Variants in MRPL22 observed in about 807,000 individuals in gnomAD.
MRPL22 encodes the protein mitochondrial ribosomal protein L22.
A neutral mutation model predicts 32.4 loss-of-function variants in MRPL22; 27 were observed. The ratio of observed to expected loss-of-function variants is 0.83; its 90% confidence interval spans 0.61 to 1.15. The LOEUF is 1.15. Ranked by LOEUF, MRPL22 falls within the 50% of genes most tolerant of loss-of-function variation. The probability of loss-of-function intolerance (pLI) is 0.00; values close to 1 mark genes in which losing one functional copy is unlikely to be tolerated. For missense variants in MRPL22, 239 were observed against 260.2 expected, an observed-to-expected ratio of 0.92 and a Z score of 0.56; for synonymous variants, 86 against 87.3, an observed-to-expected ratio of 0.99 and a Z score of 0.08.
intron 2 of MRPL22, among the ~76,000 whole-genome samples, chr5:154,948,709 C>G (rs1228355333): frequency 6.6e-6 from 1 of 152,204 alleles, no homozygotes; most frequent in Non-Finnish European, 1.5e-5. Context: ...GCTATTCCTT[C>G]ATTACTAACT....
At chr5:154,954,486 A>G (rs1246867779) in intron 3 of MRPL22, among the ~76,000 whole-genome samples, 1 of 152,214 alleles carries the variant, frequency 6.6e-6, no homozygotes, top group Non-Finnish European at 1.5e-5. Flanking sequence ...GCAGAGATAT[A>G]TAACTAGGTC....
intron 5 of MRPL22, 48 bp from the exon 6 acceptor site, chr5:154,959,932 T>G: frequency 7.4e-7 from 1 of 1,357,636 alleles, no homozygotes; most frequent in Admixed American, 1.9e-5. Context: ...TTAATTCCAT[T>G]TTACTTCAGG....
intron 2 of MRPL22, among the ~76,000 whole-genome samples, chr5:154,941,526 G>A (rs997272334): frequency 2.0e-5 from 3 of 152,136 alleles, no homozygotes; most frequent in Non-Finnish European, 4.4e-5. Context: ...TCTGGACAAG[G>A]TTAGACTATT....
At chr5:154,963,821 C>T (rs1450127713) in intron 6 of MRPL22, among the ~76,000 whole-genome samples, 2 of 152,034 alleles carry the variant, frequency 1.3e-5, no homozygotes, top group Non-Finnish European at 2.9e-5. Context: ...TTAGAATAGT[C>T]GTGGAGACTT....
intron 5 of MRPL22, 132 bp downstream of exon 5, chr5:154,957,344 A>T (rs553692419): frequency 5.9e-6 from 4 of 676,726 alleles, no homozygotes; most frequent in African/African-American, 5.4e-5. Flanking sequence ...TTTATATAAT[A>T]CAGATTTAGG....
chr5:154,956,060 G>A, intron 3 of MRPL22: 1 of 257,416 alleles, frequency 3.9e-6, no homozygotes, highest in Non-Finnish European at 7.3e-6. Context: ...TCAGCTAAAT[G>A]TTTTAAAGAT....
intron 6 of MRPL22, among the ~76,000 whole-genome samples, chr5:154,960,289 T>C (rs189464643): frequency 7.9e-5 from 12 of 152,232 alleles, no homozygotes; most frequent in African/African-American, 2.7e-4. Context: ...TTGCTAATAA[T>C]TATTAAATAA....
In MRPL22 at chr5:154,956,849, C is replaced by T. The variant is rs1582692623; in HGVS notation, c.262-286C>T. On this transcript the variant is annotated intron_variant, in intron 4 of 6. Transcript: ENST00000523037. ...TTTATCCTATAGGAGAAGGAGATGC[C>T]TTGAATGCCTAGTGTGGTTGTTACC... 1.1e-5 allele frequency: 4 copies of T among 377,234 alleles called. No homozygotes were observed. In the East Asian group the frequency reaches 1.9e-4, roughly 18 times the overall value. 23.4% of individuals were successfully genotyped at this position (377,234 alleles called of 1,614,324 possible). A position where few individuals can be genotyped will look rare whatever the true frequency, so the allele number is the denominator to read the frequency against.
chr5:154,942,409 T>C (rs1764429851), intron 2 of MRPL22, among the ~76,000 whole-genome samples: 1 of 152,230 alleles, frequency 6.6e-6, no homozygotes, highest in African/African-American at 2.4e-5. Context: ...TTCTAAGTTT[T>C]TGGGTCCGAG....
At chr5:154,959,904 TAATG>T in intron 5 of MRPL22, 72 bp from the exon 6 acceptor site, 1 of 969,340 alleles carries the variant, frequency 1.0e-6, no homozygotes, top group Admixed American at 2.0e-5. Flanking sequence ...AGTACAGAGA[TAATG>T]AGAGATGAGA....
chr5:154,963,386 T>C (rs1764728373), intron 6 of MRPL22, among the ~76,000 whole-genome samples: 1 of 152,220 alleles, frequency 6.6e-6, no homozygotes, highest in Admixed American at 6.5e-5. Flanking sequence ...CTATCCACAT[T>C]AAATAGGTGA....
At chr5:154,941,845 G>A (rs902696663) in intron 2 of MRPL22, among the ~76,000 whole-genome samples, 1 of 152,106 alleles carries the variant, frequency 6.6e-6, no homozygotes, top group Non-Finnish European at 1.5e-5. Context: ...TAAAGGTTAG[G>A]GTAAGTAGTC....
At chr5:154,952,189 G>C (rs559125244) in intron 3 of MRPL22, among the ~76,000 whole-genome samples, 1 of 152,084 alleles carries the variant, frequency 6.6e-6, no homozygotes, top group African/African-American at 2.4e-5. Flanking sequence ...CCTGAAATCA[G>C]GTATTAATTG....
chr5:154,956,812 A>G, intron 4 of MRPL22: 1 of 336,452 alleles, frequency 3.0e-6, no homozygotes, highest in South Asian at 5.3e-5. Context: ...CAGCAAATAT[A>G]CATGTAATAC....
chr5:154,941,277 G>A lies in MRPL22; in HGVS notation c.77+12G>A. 3 of 1,612,704 alleles carry A rather than the reference G, an allele frequency of 1.9e-6. No individual in the cohort carries two copies. Among genetic ancestry groups the A allele is most frequent in the Non-Finnish European group, 2.5e-6 (3 of 1,179,998 alleles). On this transcript the variant is annotated intron_variant, in intron 2 of 6. Coordinates refer to ENST00000523037, the MANE Select transcript of MRPL22 (RefSeq NM_014180.4). The stretch of plus-strand genomic sequence containing the variant: ...AAGCTGGCCTTGGGGTGAGTCTCTC[G>A]CTTCGGAGTTTCGGAAGGGCCCAAG...
intron 3 of MRPL22, among the ~76,000 whole-genome samples, chr5:154,953,836 G>A (rs1764598021): frequency 6.6e-6 from 1 of 151,692 alleles, no homozygotes; most frequent in Admixed American, 6.6e-5. Context: ...ACAGGTGTGT[G>A]CCACCACGCC....
At position 154,941,504 on chromosome 5, in the gene MRPL22, T is replaced by C. The variant is rs377206074; in HGVS notation, c.77+239T>C. On this transcript the variant is annotated intron_variant, in intron 2 of 6. Transcript: ENST00000523037. The stretch of plus-strand genomic sequence containing the variant: ...ATTGTAAATGCGATTTCCGAACGTC[T>C]ACTGTGATCTTTCTGGACAAGGTTA... Among the ~76,000 whole-genome samples, 25 of 152,338 alleles carry C rather than the reference T, an allele frequency of 1.6e-4. No individual in the cohort carries two copies. In the East Asian group the frequency reaches 4.4e-3, roughly 27 times the overall value.
chr5:154,965,342 A>G (rs1324000427), intron 6 of MRPL22, among the ~76,000 whole-genome samples: 1 of 152,222 alleles, frequency 6.6e-6, no homozygotes, highest in East Asian at 1.9e-4. Context: ...TAGCTGACTA[A>G]ATACATTCAG....
chr5:154,963,062 C>T (rs1344107893), intron 6 of MRPL22, among the ~76,000 whole-genome samples: 2 of 152,126 alleles, frequency 1.3e-5, no homozygotes, highest in Non-Finnish European at 2.9e-5. Flanking sequence ...CCTCAGCCTC[C>T]CGAGTAGCTG....
Sources: gnomAD v4.1 joint callset for allele counts (sites outside exome capture counted in the v4.1 genomes callset) on GRCh38, gnomAD v4.1.1 for gene constraint, MANE v1.5 for transcripts, NCBI Gene and HGNC (gene_info 2026-07-23, HGNC 2026-07-21) for gene names.